The following RARS2 variants were observed in gnomAD, a reference collection of about 807,000 sequenced individuals.
RARS2 encodes the protein probable arginine--tRNA ligase, mitochondrial.
Under a neutral mutation model 88.5 loss-of-function variants are expected in RARS2, and 67 were observed. That is an observed-to-expected ratio of 0.76 (90% CI 0.62 to 0.93). The LOEUF is 0.93. Ranked by LOEUF, RARS2 falls within the 40% of genes least tolerant of loss-of-function variation. The pLI, the probability that RARS2 is intolerant of heterozygous loss-of-function variation, is 0.00. For synonymous variants in RARS2, 239 were observed against 230.3 expected, an observed-to-expected ratio of 1.04 and a Z score of -0.34; for missense variants, 664 against 684.2, an observed-to-expected ratio of 0.97 and a Z score of 0.33.
chr6:87,568,719 T>C (rs1379064701), intron 2 of RARS2, among the ~76,000 whole-genome samples: 3 of 152,226 alleles, frequency 2.0e-5, no homozygotes, highest in Admixed American at 2.0e-4. Flanking sequence ...GTAGCCTTTC[T>C]CTTTCTTTTC....
At chr6:87,516,756 A>G (rs1771878422) in intron 18 of RARS2, 50 bp downstream of exon 18, 1 of 1,605,438 alleles carries the variant, frequency 6.2e-7, no homozygotes, top group Non-Finnish European at 8.5e-7. Flanking sequence ...TAGATGAAAG[A>G]AAGGTCTCAA....
At chr6:87,559,464 A>C (rs112108238) in intron 4 of RARS2, among the ~76,000 whole-genome samples, 2,356 of 32,626 alleles carry the variant, frequency 0.072, 2 homozygotes, top group African/African-American at 0.17. Context: ...ACTCTGTCTC[A>C]AAAAAAAAAA....
At chr6:87,556,341 C>G (rs1464461668) in intron 4 of RARS2, among the ~76,000 whole-genome samples, 1 of 152,132 alleles carries the variant, frequency 6.6e-6, no homozygotes, top group Non-Finnish European at 1.5e-5. Context: ...AGGCCTTACT[C>G]TGTCTCCCAG....
chr6:87,518,596 T>G (rs1165656496), intron 16 of RARS2, 34 bp downstream of exon 16: 3 of 1,572,888 alleles, frequency 1.9e-6, no homozygotes, highest in Non-Finnish European at 2.6e-6. Flanking sequence ...GTAAGCACAG[T>G]GCAGCACAAG....
chr6:87,580,541 G>A (rs971171498), intron 1 of RARS2, among the ~76,000 whole-genome samples: 3 of 150,864 alleles, frequency 2.0e-5, no homozygotes, highest in African/African-American at 7.3e-5. Context: ...TTGGGAGGTT[G>A]AGGCGGGTGG....
At chr6:87,575,601 T>C (rs899163506) in intron 1 of RARS2, among the ~76,000 whole-genome samples, 1 of 152,130 alleles carries the variant, frequency 6.6e-6, no homozygotes, top group African/African-American at 2.4e-5. Context: ...CAAAACTGTT[T>C]ACACCTGTGT....
chr6:87,569,512 T>G lies in RARS2; in HGVS notation c.110+5A>C, dbSNP rs63749985. 2 of 1,578,858 alleles carry G rather than the reference T, an allele frequency of 1.3e-6. No homozygotes were observed. The highest frequency in any genetic ancestry group is 1.7e-6 in the Non-Finnish European group (2 of 1,148,202). ...ATAGATTGTTACAAGTGTATTATAC[T>G]TAACTCTTTTTGGGAAATTGGAACT... On this transcript the variant is annotated splice_donor_5th_base_variant and intron_variant, in intron 2 of 19. Transcript: ENST00000369536.
At chr6:87,544,784 CCT>C (rs1410984252) in intron 7 of RARS2, among the ~76,000 whole-genome samples, 1 of 133,704 alleles carries the variant, frequency 7.5e-6, no homozygotes, top group Non-Finnish European at 1.6e-5. Flanking sequence ...GGATCGCACT[CCT>C]CTCTTTTTCT....
chr6:87,560,533 T>C (rs1394459944), intron 4 of RARS2, among the ~76,000 whole-genome samples: 2 of 152,250 alleles, frequency 1.3e-5, no homozygotes, highest in African/African-American at 4.8e-5. Context: ...CAAACAAAGA[T>C]ATATTAATTC....
intron 1 of RARS2, among the ~76,000 whole-genome samples, chr6:87,582,000 C>T (rs937231203): frequency 6.6e-6 from 1 of 152,162 alleles, no homozygotes; most frequent in Non-Finnish European, 1.5e-5. Flanking sequence ...TTTATCCAGT[C>T]TATCATTGAT....
At chr6:87,522,318 A>G (rs1164889353) in intron 11 of RARS2, among the ~76,000 whole-genome samples, 1 of 147,994 alleles carries the variant, frequency 6.8e-6, no homozygotes, top group Non-Finnish European at 1.5e-5. Context: ...CAACAGAGCA[A>G]GACACCGTCT....
intron 1 of RARS2, among the ~76,000 whole-genome samples, chr6:87,570,499 G>A (rs1286733849): frequency 3.3e-5 from 5 of 151,930 alleles, no homozygotes; most frequent in African/African-American, 1.2e-4. Context: ...GCTCACTGCG[G>A]CCTCCATCTC....
chr6:87,554,962 G>A (rs1477709179), intron 5 of RARS2, among the ~76,000 whole-genome samples: 2 of 152,028 alleles, frequency 1.3e-5, no homozygotes, highest in Admixed American at 1.3e-4. Context: ...AAATTAGCCA[G>A]GTATGGTGGC....
At position 87,520,218 on chromosome 6, in the gene RARS2, G is replaced by A; in HGVS notation, c.1074C>T (p.Phe358=). The A allele has an allele frequency of 6.2e-7, 1 of 1,613,304 alleles. No individual in the cohort carries two copies. Among genetic ancestry groups the A allele is most frequent in the East Asian group, 2.2e-5 (1 of 44,860 alleles). Residue 358 remains phenylalanine (F), a synonymous_variant, in exon 13 of 20, where the codon TTC becomes TTT. Transcript: ENST00000369536. Reference sequence around the variant, plus strand: ...CATATCCCATGATCTTCAGCATTTGGAATACTTGCTGAAAATGCTTTTTTT... The same window carrying A: ...CATATCCCATGATCTTCAGCATTTGAAATACTTGCTGAAAATGCTTTTTTT... ...KGQKKHFQQV[F]QMLKIMGYDW... is the part of the protein sequence containing the mutation.
At chr6:87,554,460 T>TA (rs1005143611) in intron 5 of RARS2, among the ~76,000 whole-genome samples, 1 of 152,258 alleles carries the variant, frequency 6.6e-6, no homozygotes, top group East Asian at 1.9e-4. Context: ...TCAAATTACT[T>TA]AAAAAAATTT....
intron 2 of RARS2, among the ~76,000 whole-genome samples, chr6:87,567,993 C>G (rs1253553614): frequency 6.6e-6 from 1 of 151,988 alleles, no homozygotes; most frequent in Non-Finnish European, 1.5e-5. Context: ...GGATGGTCTC[C>G]ATCTCCTGAC....
intron 8 of RARS2, among the ~76,000 whole-genome samples, chr6:87,533,662 TA>T (rs1294979131): frequency 6.6e-6 from 1 of 152,066 alleles, no homozygotes; most frequent in African/African-American, 2.4e-5. Flanking sequence ...CAGACTTCCT[TA>T]AAAAAAATTA....
chr6:87,532,938 A>G (rs1777987767), intron 8 of RARS2, among the ~76,000 whole-genome samples: 1 of 152,238 alleles, frequency 6.6e-6, no homozygotes, highest in South Asian at 2.1e-4. Flanking sequence ...TGAATGACAC[A>G]GCCATTGACA....
intron 1 of RARS2, among the ~76,000 whole-genome samples, chr6:87,587,961 T>TG (rs1231247593): frequency 6.6e-6 from 1 of 152,068 alleles, no homozygotes; most frequent in African/African-American, 2.4e-5. Flanking sequence ...TTTATAGAGA[T>TG]GGGGGTCTCC....
Sources: gnomAD v4.1 joint callset for allele counts (sites outside exome capture counted in the v4.1 genomes callset) on GRCh38, gnomAD v4.1.1 for gene constraint, MANE v1.5 for transcripts, NCBI Gene and HGNC (gene_info 2026-07-23, HGNC 2026-07-21) for gene names.